Variants in FAM120A observed in about 807,000 individuals in gnomAD.
FAM120A encodes the protein family with sequence similarity 120 member A.
A neutral mutation model predicts 109.7 loss-of-function variants in FAM120A; 15 were observed. The observed-to-expected ratio is 0.14, with a 90% CI of 0.09 to 0.21. FAM120A has a LOEUF of 0.21. FAM120A is among the 10% of genes least tolerant of loss of function. The pLI, the probability that FAM120A is intolerant of heterozygous loss-of-function variation, is 1.00. For synonymous variants in FAM120A, 493 were observed against 572.8 expected (o/e 0.86, Z 1.99); for missense variants, 899 against 1,439.3 (o/e 0.62, Z 6.07).
intron 11 of FAM120A, among the ~76,000 whole-genome samples, chr9:93,549,430 C>T (rs1862017036): frequency 6.6e-6 from 1 of 152,190 alleles, no homozygotes; most frequent in Non-Finnish European, 1.5e-5. Context: ...GCCTTGGCAC[C>T]TAGTGAGCAC....
At chr9:93,531,735 C>T (rs1861338312) in intron 9 of FAM120A, among the ~76,000 whole-genome samples, 1 of 152,184 alleles carries the variant, frequency 6.6e-6, no homozygotes, top group Admixed American at 6.5e-5. Context: ...TCAGGATACT[C>T]AGTTCTTTAG....
intron 3 of FAM120A, among the ~76,000 whole-genome samples, chr9:93,480,684 G>A (rs893913165): frequency 1.4e-4 from 22 of 151,778 alleles, no homozygotes; most frequent in Non-Finnish European, 2.5e-4. Flanking sequence ...TCATTTCCTC[G>A]CTCATTTAAA....
intron 15 of FAM120A, among the ~76,000 whole-genome samples, chr9:93,560,607 G>C (rs1450998318): frequency 6.6e-6 from 1 of 152,134 alleles, no homozygotes; most frequent in Admixed American, 6.5e-5. Context: ...ATTTTCTTAG[G>C]TCAGAAAACT....
At chr9:93,473,310 C>CT (rs571563585) in intron 2 of FAM120A, among the ~76,000 whole-genome samples, 9 of 151,808 alleles carry the variant, frequency 5.9e-5, no homozygotes, top group Non-Finnish European at 1.0e-4. Flanking sequence ...CGCGCCCAGC[C>CT]TTTTTTTGTT....
intron 1 of FAM120A, among the ~76,000 whole-genome samples, chr9:93,454,993 T>C (rs1027396893): frequency 6.6e-6 from 1 of 152,258 alleles, no homozygotes; most frequent in African/African-American, 2.4e-5. Flanking sequence ...CACTTTCTTA[T>C]AAAGTTAAAC....
At position 93,452,640 on chromosome 9, in the gene FAM120A, G is replaced by C. The variant is rs369597627; in HGVS notation, c.474+251G>C. 1.8e-5 allele frequency: 29 copies of C among 1,599,212 alleles called. No homozygotes were observed. The African/African-American group carries it at 3.3e-4, about 18-fold the overall frequency. On this transcript the variant is annotated intron_variant, in intron 1 of 17. Coordinates refer to ENST00000277165, the MANE Select transcript of FAM120A (RefSeq NM_014612.5). This position sits in a 1 kb window ranked among gnomAD's most constrained non-coding sequence, Gnocchi z 7.0. ...GGCCGCGTGGGGACACTTGAGGGCT[G>C]GGAGAGAGCCCCGGACCAGAATTCG...
intron 16 of FAM120A, among the ~76,000 whole-genome samples, chr9:93,561,864 A>G (rs1862480747): frequency 6.6e-6 from 1 of 152,198 alleles, no homozygotes; most frequent in South Asian, 2.1e-4. Flanking sequence ...TGCATTGGAT[A>G]TGGGAGATGT....
At chr9:93,557,339 A>T (rs1862321104) in intron 13 of FAM120A, among the ~76,000 whole-genome samples, 1 of 152,116 alleles carries the variant, frequency 6.6e-6, no homozygotes. Context: ...TATGTTGGTC[A>T]GGCTGGTCTT....
chr9:93,463,275 A>G (rs1857873927), intron 1 of FAM120A, among the ~76,000 whole-genome samples: 1 of 152,172 alleles, frequency 6.6e-6, no homozygotes, highest in South Asian at 2.1e-4. Flanking sequence ...TGTAATAATG[A>G]GTGAAGTTGA....
chr9:93,471,643 A>T (rs1246524604), intron 2 of FAM120A, among the ~76,000 whole-genome samples: 1 of 152,248 alleles, frequency 6.6e-6, no homozygotes, highest in Non-Finnish European at 1.5e-5. Context: ...GAAAAAACTC[A>T]TTTAAGGTTT....
chr9:93,472,117 G>A (rs1392409513), intron 2 of FAM120A, among the ~76,000 whole-genome samples: 2 of 152,000 alleles, frequency 1.3e-5, no homozygotes, highest in Non-Finnish European at 2.9e-5. Context: ...AAAATTAGCC[G>A]GGCATGGTGG....
intron 3 of FAM120A, among the ~76,000 whole-genome samples, chr9:93,496,082 A>G (rs1859563510): frequency 6.6e-6 from 1 of 152,300 alleles, no homozygotes; most frequent in Non-Finnish European, 1.5e-5. Flanking sequence ...AGATTTCAGC[A>G]ATTTGGTTAC....
At chr9:93,502,409 G>A (rs1392549574) in intron 5 of FAM120A, among the ~76,000 whole-genome samples, 1 of 152,118 alleles carries the variant, frequency 6.6e-6, no homozygotes, top group Non-Finnish European at 1.5e-5. Context: ...AAAAAGGAAT[G>A]TTCCTAGCTA....
chr9:93,455,837 A>G (rs1014609092), intron 1 of FAM120A, among the ~76,000 whole-genome samples: 1 of 151,980 alleles, frequency 6.6e-6, no homozygotes, highest in Non-Finnish European at 1.5e-5. Flanking sequence ...TAATCTTTGT[A>G]TTTTTAGTAG....
chr9:93,533,054 T>C (rs1861391089), intron 10 of FAM120A, among the ~76,000 whole-genome samples: 1 of 152,188 alleles, frequency 6.6e-6, no homozygotes, highest in Non-Finnish European at 1.5e-5. Context: ...ATGTAAGGAA[T>C]GTAAAAGTAA....
intron 10 of FAM120A, among the ~76,000 whole-genome samples, chr9:93,542,401 T>C (rs1861735250): frequency 6.6e-6 from 1 of 152,280 alleles, no homozygotes. Flanking sequence ...GTTTTTGTTT[T>C]ATTTCCTTGT....
At chr9:93,495,242 G>A (rs1327487577) in intron 3 of FAM120A, among the ~76,000 whole-genome samples, 1 of 152,240 alleles carries the variant, frequency 6.6e-6, no homozygotes, top group Non-Finnish European at 1.5e-5. Context: ...CATATTAGAT[G>A]TGTGAGAATT....
chr9:93,472,184 A>G (rs1858340544), intron 2 of FAM120A, among the ~76,000 whole-genome samples: 4 of 151,844 alleles, frequency 2.6e-5, no homozygotes, highest in Admixed American at 1.3e-4. Flanking sequence ...GGCTTGAACC[A>G]GGGAGGTGGA....
At chr9:93,550,974 A>G (rs2131544973) in intron 12 of FAM120A, among the ~76,000 whole-genome samples, 1 of 152,330 alleles carries the variant, frequency 6.6e-6, no homozygotes, top group East Asian at 1.9e-4. Flanking sequence ...ATTCTTATTT[A>G]TCACATCATG....
Sources: gnomAD v4.1 joint callset for allele counts (sites outside exome capture counted in the v4.1 genomes callset) on GRCh38, gnomAD v4.1.1 for gene constraint, Gnocchi (gnomAD v3.1) non-coding constraint, MANE v1.5 for transcripts, NCBI Gene and HGNC (gene_info 2026-07-23, HGNC 2026-07-21) for gene names.